Variants in FSD2 observed in about 807,000 individuals in gnomAD.
The protein encoded by FSD2 is fibronectin type III and SPRY domain containing 2, also known as fibronectin type III and SPRY domain-containing protein 2.
Under a neutral mutation model 80.4 loss-of-function variants are expected in FSD2, and 71 were observed. The ratio of observed to expected loss-of-function variants is 0.88; its 90% CI spans 0.73 to 1.08. FSD2 has a LOEUF of 1.08. Ranked by LOEUF, FSD2 falls within the 50% of genes least tolerant of loss-of-function variation. The pLI, the probability that FSD2 is intolerant of heterozygous loss-of-function variation, is 0.00. For missense variants in FSD2, 923 were observed against 913.8 expected (o/e 1.01, Z -0.13); for synonymous variants, 361 against 329.5 (o/e 1.10, Z -1.03).
chr15:82,796,094 T>C (rs2050261622), intron 1 of FSD2, among the ~76,000 whole-genome samples: 1 of 150,440 alleles, frequency 6.6e-6, no homozygotes, highest in Non-Finnish European at 1.5e-5. Flanking sequence ...CACCGCCTTC[T>C]GGTTTCAAGT....
chr15:82,784,586 C>A (rs139904118), intron 3 of FSD2, among the ~76,000 whole-genome samples: 1 of 152,156 alleles, frequency 6.6e-6, no homozygotes, highest in Admixed American at 6.5e-5. Flanking sequence ...ACACTTACCC[C>A]CTTCTACCAC....
chr15:82,793,295 T>A (rs2050192004), intron 1 of FSD2, among the ~76,000 whole-genome samples: 1 of 150,112 alleles, frequency 6.7e-6, no homozygotes, highest in South Asian at 2.1e-4. Flanking sequence ...GAGACGGGGT[T>A]TCACCATGTT....
chr15:82,768,721 G>A (rs757658740), intron 9 of FSD2, among the ~76,000 whole-genome samples, 159 bp downstream of exon 9: 4 of 152,206 alleles, frequency 2.6e-5, no homozygotes, highest in African/African-American at 7.2e-5. Context: ...TTCAGTAATA[G>A]CATTCCAGCT....
chr15:82,767,324 A>G (rs2151492079), intron 9 of FSD2, among the ~76,000 whole-genome samples: 1 of 152,324 alleles, frequency 6.6e-6, no homozygotes, highest in South Asian at 2.1e-4. Context: ...TGAAAAAGGG[A>G]CAGAGGAGTC....
intron 10 of FSD2, 93 bp from the exon 11 acceptor site, chr15:82,765,391 A>G: frequency 6.5e-7 from 1 of 1,529,180 alleles, no homozygotes; most frequent in East Asian, 2.3e-5. Context: ...TGTGGGATAC[A>G]CCTAAGCCTG....
rs899884864 is a variant in FSD2 at position 82,759,558 on chromosome 15, T to C, written c.2040A>G (p.Ile680Met). The change falls in exon 13 of 13, where the codon ATA becomes ATG. Residue 680 changes from isoleucine (I) to methionine (M), a missense_variant. Coordinates refer to ENST00000334574, the MANE Select transcript of FSD2 (RefSeq NM_001007122.4). The stretch of plus-strand genomic sequence containing the variant: ...TCTTCTTTGGTGGAACTGTTATTCT[T>C]ATATCTGGAGTTGTTCTGTTGTGCA... Reference protein sequence around the residue: ...EFLHNRTTPDIRITVPPKKIG... With the variant: ...EFLHNRTTPDMRITVPPKKIG... 3 of 1,602,830 alleles carry C rather than the reference T, an allele frequency of 1.9e-6. No homozygotes were observed. In the African/African-American group the frequency reaches 4.0e-5, roughly 21 times the overall value.
chr15:82,769,878 G>A lies in FSD2; in HGVS notation c.1274C>T (p.Thr425Ile). Reference protein sequence around the residue: ...SSPGTDQAEFTVTVKETYCSV... With the variant: ...SSPGTDQAEFIVTVKETYCSV... Reference sequence around the variant, plus strand: ...GCAATATGTTTCTTTGACAGTCACTGTAAACTCTGGGGAAAAAAAAAGATA... The same window carrying A: ...GCAATATGTTTCTTTGACAGTCACTATAAACTCTGGGGAAAAAAAAAGATA... The change falls in exon 8 of 13, where the codon ACA (threonine) becomes ATA (isoleucine). Residue 425 changes from threonine to isoleucine, a missense_variant. Coordinates refer to ENST00000334574, the MANE Select transcript of FSD2 (RefSeq NM_001007122.4). 7 of 1,613,600 alleles carry A rather than the reference G, an allele frequency of 4.3e-6. No homozygotes were observed. Among genetic ancestry groups the A allele is most frequent in the Non-Finnish European group, 5.9e-6 (7 of 1,179,754 alleles).
chr15:82,762,166 T>A lies in FSD2; in HGVS notation c.1933A>T (p.Lys645Ter), dbSNP rs752594177. The A allele has an allele frequency of 6.2e-7, 1 of 1,613,178 alleles. No individual in the cohort carries two copies. Among genetic ancestry groups the A allele is most frequent in the Middle Eastern group, 1.6e-4 (1 of 6,062 alleles). Residue 645 changes from lysine (K) to a stop codon, truncating the protein, a stop_gained, in exon 12 of 13, where the codon AAA becomes TAA. Coordinates refer to ENST00000334574, the MANE Select transcript of FSD2 (RefSeq NM_001007122.4). LOFTEE classifies it high-confidence loss of function. ...RVGVAFADVR[K>*]QEDLGANCLS... ...CAATTTGCTCCCAGATCCTCCTGTT[T>A]ACGGACATCTGCAAAGGCCACACCA...
rs371064650 is a variant in FSD2, at chr15:82,802,515, A to G, written c.-79+3451T>C. ...TCAGATTGCCCAGCTAATCAGAATT[A>G]CCCACATTGCATAGAAATAATGTCT... On this transcript the variant is annotated intron_variant, in intron 1 of 12. Transcript: ENST00000334574. Among the ~76,000 whole-genome samples, 11 of 152,266 alleles carry G rather than the reference A, an allele frequency of 7.2e-5. No individual in the cohort carries two copies. The East Asian group carries it at 1.9e-3, about 27-fold the overall frequency.
chr15:82,762,922 A>G (rs1206481920), intron 11 of FSD2, among the ~76,000 whole-genome samples: 4 of 152,316 alleles, frequency 2.6e-5, no homozygotes, highest in African/African-American at 9.6e-5. Context: ...TGAATATTCT[A>G]CCTTCTTCAG....
In FSD2 at chr15:82,787,332, T is replaced by C. The variant is rs186193119; in HGVS notation, c.59A>G (p.His20Arg). 6.2e-7 allele frequency: 1 copy of C among 1,613,880 alleles called. No homozygotes were observed. The highest frequency in any genetic ancestry group is 1.7e-5 in the Admixed American group (1 of 60,006). Residue 20 changes from histidine to arginine, a missense_variant, in exon 2 of 13, where the codon CAC becomes CGC. By Grantham distance (29) the His-to-Arg change is conservative (BLOSUM62 0). Transcript: ENST00000334574. ...GTCATACAGGTCCATGTGGTAAAAG[T>C]GGAAATCCTTGGGAGTAGACCTGTC... ...GLDRSTPKDF[H>R]FYHMDLYDSE... is the part of the protein sequence containing the mutation.
At chr15:82,783,615 A>G (rs570117512) in intron 3 of FSD2, among the ~76,000 whole-genome samples, 40 of 152,272 alleles carry the variant, frequency 2.6e-4, no homozygotes, top group Non-Finnish European at 4.3e-4. Flanking sequence ...ACTACCTTCT[A>G]TCACCATGAC....
intron 9 of FSD2, among the ~76,000 whole-genome samples, chr15:82,767,926 C>G (rs1269864975): frequency 1.3e-5 from 2 of 152,146 alleles, no homozygotes; most frequent in Non-Finnish European, 2.9e-5. Context: ...GCAGGGGAGC[C>G]CCTGGTCCTG....
At chr15:82,798,874 T>TG (rs2050343308) in intron 1 of FSD2, among the ~76,000 whole-genome samples, 3 of 34,228 alleles carry the variant, frequency 8.8e-5, no homozygotes, top group Admixed American at 6.3e-4. Flanking sequence ...ATCTCCACTG[T>TG]TTTGTTTTTT....
Position 82,782,104 on chromosome 15 carries a change from T to TAATAATAATAATAATAAA in FSD2, c.966+690_966+691insTTTATTATTATTATTATT, listed in dbSNP as rs749972634. On this transcript the variant is annotated intron_variant, in intron 4 of 12. Transcript: ENST00000334574. ...ATAATAATAATAATAATAATAATAA[T>TAATAATAATAATAATAAA]AAAACTCTTGGCCGGGCATGGTGGC... 5.5e-4 allele frequency among the ~76,000 whole-genome samples: 66 copies of TAATAATAATAATAATAAA among 118,934 alleles called. 2 individuals are homozygous for TAATAATAATAATAATAAA. The highest frequency in any genetic ancestry group is 2.1e-3 in the Admixed American group (24 of 11,436). 78.0% of individuals were successfully genotyped at this position (118,934 alleles called of 152,430 possible).
At chr15:82,796,008 T>C (rs1309777454) in intron 1 of FSD2, among the ~76,000 whole-genome samples, 3 of 149,126 alleles carry the variant, frequency 2.0e-5, no homozygotes, top group African/African-American at 7.4e-5. Context: ...TTCTTTTTTT[T>C]TTTTTTTTTT....
intron 11 of FSD2, among the ~76,000 whole-genome samples, chr15:82,763,467 G>A (rs2049336922): frequency 6.6e-6 from 1 of 152,202 alleles, no homozygotes; most frequent in Non-Finnish European, 1.5e-5. Flanking sequence ...TAGGATGATT[G>A]CATGAGATGA....
chr15:82,777,477 C>T (rs970265619), intron 6 of FSD2, among the ~76,000 whole-genome samples: 2 of 152,120 alleles, frequency 1.3e-5, no homozygotes, highest in African/African-American at 4.8e-5. Context: ...TGCTCAATCT[C>T]TCTAGTTATC....
In FSD2 at chr15:82,769,892, A is replaced by G. The variant is rs1177258649; in HGVS notation, c.1268-8T>C. 6.2e-7 allele frequency: 1 copy of G among 1,612,982 alleles called. No homozygotes were observed. Among genetic ancestry groups the G allele is most frequent in the South Asian group, 1.1e-5 (1 of 91,046 alleles). On this transcript the variant is annotated splice_polypyrimidine_tract_variant and splice_region_variant and intron_variant, in intron 7 of 12. Transcript: ENST00000334574. ...TGACAGTCACTGTAAACTCTGGGGA[A>G]AAAAAAAGATAAGAATTCAACCCTA...
Sources: gnomAD v4.1 joint callset for allele counts (sites outside exome capture counted in the v4.1 genomes callset) on GRCh38, gnomAD v4.1.1 for gene constraint, MANE v1.5 for transcripts, NCBI Gene and HGNC (gene_info 2026-07-23, HGNC 2026-07-21) for gene names.